SUSD4: variants seen among roughly 807,000 people sequenced by gnomAD.
SUSD4 encodes sushi domain-containing protein 4.
In SUSD4, 41 loss-of-function variants were observed where a neutral mutation model predicts 50.5. The ratio of observed to expected loss-of-function variants is 0.81; its 90% CI spans 0.63 to 1.05. SUSD4 has a LOEUF of 1.05. Among genes scored for constraint, SUSD4 ranks in the 50% least tolerant of loss-of-function variants. The pLI, the probability that SUSD4 is intolerant of heterozygous loss-of-function variation, is 0.00. For synonymous variants in SUSD4, 257 were observed against 257.3 expected (o/e 1.00, Z 0.01); for missense variants, 580 against 634.7 (o/e 0.91, Z 0.93).
intron 5 of SUSD4, among the ~76,000 whole-genome samples, chr1:223,252,710 T>C (rs555728146): frequency 4.5e-4 from 65 of 145,396 alleles, no homozygotes; most frequent in Non-Finnish European, 4.2e-4. Flanking sequence ...TGAATTTCCA[T>C]ATAATTGGCT....
At chr1:223,260,147 C>T (rs950273552) in intron 5 of SUSD4, among the ~76,000 whole-genome samples, 19 of 152,310 alleles carry the variant, frequency 1.2e-4, no homozygotes, top group Non-Finnish European at 2.4e-4. Flanking sequence ...CCCCCGTGTG[C>T]CCTTTGGTAA....
chr1:223,275,668 T>C (rs1663208320), intron 3 of SUSD4, among the ~76,000 whole-genome samples: 1 of 152,214 alleles, frequency 6.6e-6, no homozygotes, highest in South Asian at 2.1e-4. Context: ...TACAAGCATC[T>C]GAGCTTGGGG....
intron 2 of SUSD4, among the ~76,000 whole-genome samples, chr1:223,333,530 G>C (rs1266530757): frequency 9.2e-5 from 14 of 152,076 alleles, no homozygotes; most frequent in Admixed American, 9.2e-4. Context: ...TAATTAAATG[G>C]CATATACCCC....
chr1:223,306,006 C>T lies in SUSD4; in HGVS notation c.149-13355G>A, dbSNP rs368571528. 4.6e-4 allele frequency among the ~76,000 whole-genome samples: 70 copies of T among 152,232 alleles called. No homozygotes were observed. In the South Asian group the frequency reaches 0.012, roughly 27 times the overall value. On this transcript the variant is annotated intron_variant, in intron 2 of 8. Transcript: ENST00000366878. ...AAATATTCAGAGATGAATATAAAGT[C>T]GGCTATGTCTGAACAAGTAAACGTC...
intron 2 of SUSD4, among the ~76,000 whole-genome samples, chr1:223,309,440 G>A (rs550467755): frequency 6.6e-6 from 1 of 152,280 alleles, no homozygotes; most frequent in East Asian, 1.9e-4. Context: ...GGATAAGAGG[G>A]AAACAACAGG....
intron 2 of SUSD4, among the ~76,000 whole-genome samples, chr1:223,345,459 G>A (rs573257376): frequency 1.2e-4 from 19 of 152,052 alleles, no homozygotes; most frequent in South Asian, 6.2e-4. Context: ...CTGATCATGC[G>A]CTTATTAAGA....
At chr1:223,355,000 T>C (rs374983891) in intron 2 of SUSD4, among the ~76,000 whole-genome samples, 18 of 152,210 alleles carry the variant, frequency 1.2e-4, no homozygotes, top group African/African-American at 3.9e-4. Flanking sequence ...CTCTGTCCCC[T>C]AGGCTGGAGG....
At chr1:223,268,202 A>G (rs566253531) in intron 4 of SUSD4, among the ~76,000 whole-genome samples, 1 of 151,882 alleles carries the variant, frequency 6.6e-6, no homozygotes, top group East Asian at 1.9e-4. Context: ...TGATTCTTAA[A>G]CTACTTTTGA....
In SUSD4 at chr1:223,253,641, A is replaced by G. The variant is rs893404885; in HGVS notation, c.724+10989T>C. Among the ~76,000 whole-genome samples the G allele has an allele frequency of 3.9e-5, 6 of 152,124 alleles. 1 individual carries two copies. Among genetic ancestry groups the G allele is most frequent in the Admixed American group, 3.3e-4 (5 of 15,276 alleles). On this transcript the variant is annotated intron_variant, in intron 5 of 8. Coordinates refer to ENST00000366878, the MANE Select transcript of SUSD4 (RefSeq NM_017982.4). ...CTCCCAGCCTGAAAAAGGCCCCTGAAATGACTGCAGGCATTTATTACCTTC... is the reference window on the plus strand; with the variant it reads ...CTCCCAGCCTGAAAAAGGCCCCTGAGATGACTGCAGGCATTTATTACCTTC...
At chr1:223,327,032 C>T (rs753295989) in intron 2 of SUSD4, among the ~76,000 whole-genome samples, 4 of 152,156 alleles carry the variant, frequency 2.6e-5, no homozygotes, top group Non-Finnish European at 4.4e-5. Flanking sequence ...ATGAAAAAGA[C>T]ACTTGTACAT....
At chr1:223,245,893 T>C (rs530176936) in intron 5 of SUSD4, among the ~76,000 whole-genome samples, 14 of 152,338 alleles carry the variant, frequency 9.2e-5, no homozygotes, top group African/African-American at 3.4e-4. Flanking sequence ...GTGGTACTAC[T>C]GACTATGCTA....
chr1:223,230,992 C>T (rs1214214657), intron 5 of SUSD4, among the ~76,000 whole-genome samples: 1 of 152,088 alleles, frequency 6.6e-6, no homozygotes, highest in Non-Finnish European at 1.5e-5. Context: ...GAGGTGATGG[C>T]AAAGTGGAGA....
At chr1:223,240,207 T>C (rs1024218000) in intron 5 of SUSD4, among the ~76,000 whole-genome samples, 3 of 152,074 alleles carry the variant, frequency 2.0e-5, no homozygotes, top group Admixed American at 6.5e-5. Flanking sequence ...CTTTCAGAAT[T>C]TTTTTATTTT....
chr1:223,257,942 C>CT (rs1206765904), intron 5 of SUSD4, among the ~76,000 whole-genome samples: 1 of 152,192 alleles, frequency 6.6e-6, no homozygotes, highest in African/African-American at 2.4e-5. Context: ...ATGGACTCCT[C>CT]TTTATGTCTG....
At chr1:223,364,272 C>A, upstream of SUSD4, 1 of 147,778 alleles carries the variant, frequency 6.8e-6, no homozygotes, top group Non-Finnish European at 1.5e-5. This position sits in a 1 kb window ranked among gnomAD's most constrained non-coding sequence, Gnocchi z 4.5. Flanking sequence ...AGCCCGGCCG[C>A]GCGCCCCCGC....
In SUSD4 at chr1:223,267,818, C is replaced by T. The variant is rs1053676702; in HGVS notation, c.535+684G>A. On this transcript the variant is annotated intron_variant, in intron 4 of 8. Transcript: ENST00000366878. ...CCCTCAAATTATGAATTATGCATTG[C>T]CTTCTTGGTTCTTTGGTCGAAGTCA... 4.0e-5 allele frequency among the ~76,000 whole-genome samples: 6 copies of T among 151,664 alleles called. No homozygotes were observed. The South Asian group carries it at 1.3e-3, about 32-fold the overall frequency.
chr1:223,317,071 T>C (rs1033795014), intron 2 of SUSD4, among the ~76,000 whole-genome samples: 7 of 152,186 alleles, frequency 4.6e-5, no homozygotes, highest in Admixed American at 4.6e-4. Flanking sequence ...TGAAACCTAC[T>C]GGGCTGCATT....
intron 5 of SUSD4, among the ~76,000 whole-genome samples, chr1:223,235,283 A>G (rs1313325389): frequency 1.3e-5 from 2 of 152,162 alleles, no homozygotes; most frequent in African/African-American, 4.8e-5. Context: ...GCTCCCACGC[A>G]TGCACAGCCT....
chr1:223,224,348 A>T (rs1411380848), intron 7 of SUSD4, among the ~76,000 whole-genome samples: 1 of 152,150 alleles, frequency 6.6e-6, no homozygotes, highest in Admixed American at 6.5e-5. Flanking sequence ...TAAACAAACA[A>T]ACAAACAAAC....
Sources: allele counts gnomAD v4.1 joint callset (sites outside exome capture counted in the v4.1 genomes callset), GRCh38; gene constraint gnomAD v4.1.1; non-coding constraint Gnocchi (gnomAD v3.1); transcripts MANE v1.5; gene names NCBI Gene and HGNC (gene_info 2026-07-23, HGNC 2026-07-21).